ATP13A4: variants seen among roughly 807,000 people sequenced by gnomAD.
The protein encoded by ATP13A4 is probable cation-transporting ATPase 13A4.
Under a neutral mutation model 142.5 loss-of-function variants are expected in ATP13A4, and 114 were observed. The observed-to-expected ratio is 0.80, with a 90% CI of 0.69 to 0.93. The LOEUF is 0.93. Among genes scored for constraint, ATP13A4 ranks in the 40% least tolerant of loss-of-function variants. The pLI is 0.00. For synonymous variants in ATP13A4, 488 were observed against 514.8 expected, an observed-to-expected ratio of 0.95 and a Z score of 0.70; for missense variants, 1,392 against 1,454.0, an observed-to-expected ratio of 0.96 and a Z score of 0.69.
intron 1 of ATP13A4, chr3:193,553,597 G>C (rs1723715441): frequency 6.6e-6 from 1 of 152,320 alleles, no homozygotes; most frequent in Non-Finnish European, 1.5e-5. Context: ...TGACATTTGT[G>C]GAGGGGCTGA....
At chr3:193,424,321 GA>G (rs35462615) in intron 25 of ATP13A4, among the ~76,000 whole-genome samples, 77 of 147,124 alleles carry the variant, frequency 5.2e-4, no homozygotes, top group Non-Finnish European at 9.4e-4. Flanking sequence ...CACAGAAATA[GA>G]AAAAAAAATC....
chr3:193,470,103 G>A (rs1017147556), intron 9 of ATP13A4, among the ~76,000 whole-genome samples: 7 of 152,196 alleles, frequency 4.6e-5, no homozygotes, highest in Non-Finnish European at 1.0e-4. Flanking sequence ...ACACCAATAA[G>A]AGTGCGTTCA....
chr3:193,558,711 G>C (rs370609122), upstream of ATP13A4, among the ~76,000 whole-genome samples: 24 of 152,250 alleles, frequency 1.6e-4, no homozygotes, highest in African/African-American at 5.8e-4. Context: ...GAGAGCAAAA[G>C]CACAGATGAG....
intron 26 of ATP13A4, among the ~76,000 whole-genome samples, chr3:193,412,724 C>G (rs900693004): frequency 6.6e-6 from 1 of 152,114 alleles, no homozygotes; most frequent in Non-Finnish European, 1.5e-5. Flanking sequence ...ATTCCTCCCT[C>G]AAGTGGCTTA....
rs1560287348 is a variant in ATP13A4, at chr3:193,573,299, A to ATATATATTCT, written n.291+8407_291+8408insAGAATATATA. ...TACATATATATATATACACATATAT[A>ATATATATTCT]TATATATACATATATATATATATAT... On this transcript the variant is annotated intron_variant and non_coding_transcript_variant, in intron 2 of 3. Transcript: ENST00000489140. Among the ~76,000 whole-genome samples, 18 of 78,584 alleles carry ATATATATTCT rather than the reference A, an allele frequency of 2.3e-4. 1 individual carries two copies. The highest frequency in any genetic ancestry group is 5.2e-4 in the African/African-American group (8 of 15,360). The allele number at this position is 78,584 out of a possible 152,430, so 51.6% of individuals were successfully genotyped here. A position where few individuals can be genotyped will look rare whatever the true frequency, so the allele number is the denominator to read the frequency against.
Position 193,502,507 on chromosome 3 carries a change from T to G in ATP13A4, c.367A>C (p.Lys123Gln). 6.2e-7 allele frequency: 1 copy of G among 1,614,050 alleles called. No homozygotes were observed. The highest frequency in any genetic ancestry group is 1.3e-5 in the African/African-American group (1 of 75,028). Residue 123 changes from lysine (K) to glutamine (Q), a missense_variant, in exon 3 of 30, where the codon AAG becomes CAG. Lys to Gln is a moderately conservative substitution (Grantham distance 53, BLOSUM62 1). Coordinates refer to ENST00000342695, the MANE Select transcript of ATP13A4 (RefSeq NM_032279.4). ...AGTTTACTTACCTTTAGGTCTGGCT[T>G]TCTTATGGCTCTATTTATGATATAC... ...EEYIINRAIR[K>Q]PDLKVRCIKV...
intron 2 of ATP13A4, among the ~76,000 whole-genome samples, chr3:193,513,509 C>A (rs35351639): frequency 0.12 from 18,423 of 152,174 alleles, 1,351 homozygotes; most frequent in Non-Finnish European, 0.16. Flanking sequence ...TCCACTTCAG[C>A]CTGTCAGCCA....
At chr3:193,519,886 C>T (rs1721626440) in intron 1 of ATP13A4, among the ~76,000 whole-genome samples, 1 of 151,948 alleles carries the variant, frequency 6.6e-6, no homozygotes, top group South Asian at 2.1e-4. Context: ...CTCAGGTGAT[C>T]CAGCCGCCTC....
At chr3:193,461,873 C>G (rs565814871) in intron 13 of ATP13A4, among the ~76,000 whole-genome samples, 2 of 152,220 alleles carry the variant, frequency 1.3e-5, no homozygotes, top group South Asian at 4.1e-4. Flanking sequence ...GAGGACTGTG[C>G]AAATCTTTAC....
intron 17 of ATP13A4, among the ~76,000 whole-genome samples, chr3:193,452,567 ATTT>A (rs751029977): frequency 2.5e-5 from 3 of 120,802 alleles, no homozygotes; most frequent in Admixed American, 8.5e-5. Context: ...ACATTGTGGA[ATTT>A]TTTTTTTTTT....
intron 1 of ATP13A4, among the ~76,000 whole-genome samples, chr3:193,585,442 C>T (rs1203121450): frequency 6.6e-6 from 1 of 151,806 alleles, no homozygotes; most frequent in African/African-American, 2.4e-5. Flanking sequence ...ACAACAACAA[C>T]AACAACAACA....
At chr3:193,440,483 C>T (rs1358462027) in intron 21 of ATP13A4, 75 bp downstream of exon 21, 3 of 1,603,792 alleles carry the variant, frequency 1.9e-6, no homozygotes, top group Non-Finnish European at 2.6e-6. Context: ...TGAGTGACTC[C>T]TGGTACCTCT....
At chr3:193,407,491 T>G (rs1714557917) in intron 28 of ATP13A4, 98 bp from the exon 29 acceptor site, 1 of 884,238 alleles carries the variant, frequency 1.1e-6, no homozygotes, top group Non-Finnish European at 1.8e-6. Context: ...GTTATAAATC[T>G]CATATGTAAT....
chr3:193,544,944 A>C (rs1175116991), intron 1 of ATP13A4, among the ~76,000 whole-genome samples: 2 of 152,172 alleles, frequency 1.3e-5, no homozygotes, highest in East Asian at 1.9e-4. Context: ...ATAGTTTCTC[A>C]GTGCCTCCTT....
intron 2 of ATP13A4, among the ~76,000 whole-genome samples, chr3:193,564,374 C>A (rs1430010424): frequency 6.6e-6 from 1 of 152,214 alleles, no homozygotes; most frequent in African/African-American, 2.4e-5. Context: ...AATGCATTTG[C>A]AGGAACTTAT....
intron 3 of ATP13A4, among the ~76,000 whole-genome samples, chr3:193,499,538 C>A (rs949589563): frequency 4.3e-4 from 66 of 152,180 alleles, no homozygotes; most frequent in African/African-American, 1.6e-3. Context: ...GCCTGAAGTT[C>A]ATTTTGCTTA....
rs372038268 is a variant in ATP13A4 at position 193,418,302 on chromosome 3, G to C, written c.2843-3552C>G. Among the ~76,000 whole-genome samples the C allele has an allele frequency of 2.1e-5, 3 of 145,826 alleles. 1 individual carries two copies. The East Asian group carries it at 6.7e-4, about 33-fold the overall frequency. On this transcript the variant is annotated intron_variant, in intron 25 of 29. Coordinates refer to ENST00000342695, the MANE Select transcript of ATP13A4 (RefSeq NM_032279.4). ...CCACTGCACTCCAGCCTGGGCAACA[G>C]CGAGACTCCATCTCAAAAAAAAAAA...
intron 2 of ATP13A4, among the ~76,000 whole-genome samples, chr3:193,560,749 A>C (rs1460568739): frequency 6.6e-6 from 1 of 152,192 alleles, no homozygotes; most frequent in African/African-American, 2.4e-5. Context: ...GTGCTTGGGG[A>C]GCTGATGACA....
At position 193,552,253 on chromosome 3, in the gene ATP13A4, C is replaced by T. The variant is rs192571124; in HGVS notation, c.60+2487G>A. ...TCCCAAAGTGCTGGGATTACAGGCA[C>T]GAGCCACCATGCCCAGCCTGTTTTT... On this transcript the variant is annotated intron_variant, in intron 1 of 29. Coordinates refer to ENST00000342695, the MANE Select transcript of ATP13A4 (RefSeq NM_032279.4). 9.9e-4 allele frequency among the ~76,000 whole-genome samples: 151 copies of T among 152,190 alleles called. 1 individual carries two copies. The highest frequency in any genetic ancestry group is 3.9e-4 in the Admixed American group (6 of 15,288).
Sources: gnomAD v4.1 joint callset for allele counts (sites outside exome capture counted in the v4.1 genomes callset) on GRCh38, gnomAD v4.1.1 for gene constraint, MANE v1.5 for transcripts, NCBI Gene and HGNC (gene_info 2026-07-23, HGNC 2026-07-21) for gene names.